The following CCDC3 variants were observed in gnomAD, a reference collection of about 807,000 sequenced individuals.
CCDC3 encodes coiled-coil domain-containing protein 3.
In CCDC3, 24 loss-of-function variants were observed where a neutral mutation model predicts 21.4. The ratio of observed to expected loss-of-function variants is 1.12; its 90% CI spans 0.81 to 1.58. The LOEUF (loss-of-function observed/expected upper bound fraction) is 1.58, where lower values mean the gene tolerates loss of function less well. CCDC3 is among the 40% of genes most tolerant of loss of function. The pLI is 0.00. For synonymous variants in CCDC3, 186 were observed against 166.0 expected (o/e 1.12, Z -0.93); for missense variants, 425 against 360.9 (o/e 1.18, Z -1.44).
chr10:13,013,903 C>T (rs192559872), intron 5 of CCDC3, among the ~76,000 whole-genome samples: 114 of 152,312 alleles, frequency 7.5e-4, no homozygotes, highest in African/African-American at 2.5e-3. Context: ...GTAATCCCAG[C>T]GCTTTGGGAG....
At chr10:12,936,818 T>C (rs1834746196) in intron 2 of CCDC3, among the ~76,000 whole-genome samples, 1 of 152,162 alleles carries the variant, frequency 6.6e-6, no homozygotes, top group Non-Finnish European at 1.5e-5. Flanking sequence ...GAGGCTGAGG[T>C]AGGAGGATGG....
rs572631407 is a variant in CCDC3, at chr10:12,905,637, T to C, written c.550-6958A>G. ...TGGTTCAAGGTCTCCACGATCCTTG[T>C]CAAAGGTCCTATTGACTCCATCTCA... On this transcript the variant is annotated intron_variant, in intron 2 of 2. Transcript: ENST00000378825. Among the ~76,000 whole-genome samples, 30 of 152,326 alleles carry C rather than the reference T, an allele frequency of 2.0e-4. 1 individual carries two copies. The highest frequency in any genetic ancestry group is 7.2e-4 in the African/African-American group (30 of 41,564).
intron 2 of CCDC3, among the ~76,000 whole-genome samples, chr10:12,971,509 G>C (rs1367774915): frequency 2.0e-5 from 3 of 152,034 alleles, no homozygotes; most frequent in Non-Finnish European, 2.9e-5. Flanking sequence ...TGTCCTCCTG[G>C]CATCCTGAAT....
At chr10:12,947,584 T>A (rs1834934705) in intron 2 of CCDC3, among the ~76,000 whole-genome samples, 1 of 152,238 alleles carries the variant, frequency 6.6e-6, no homozygotes, top group African/African-American at 2.4e-5. Context: ...TATGGTGTTT[T>A]ATATTTTCAA....
At chr10:13,023,260 A>G (rs1279646099) in intron 5 of CCDC3, among the ~76,000 whole-genome samples, 1 of 152,216 alleles carries the variant, frequency 6.6e-6, no homozygotes, top group Non-Finnish European at 1.5e-5. Context: ...TTAAAACAAT[A>G]ACAATGTAAC....
chr10:12,927,378 T>TA (rs1834559610), intron 2 of CCDC3, among the ~76,000 whole-genome samples: 1 of 152,204 alleles, frequency 6.6e-6, no homozygotes, highest in Non-Finnish European at 1.5e-5. Context: ...ACACTTAAAA[T>TA]TAACAATTGC....
intron 2 of CCDC3, among the ~76,000 whole-genome samples, chr10:12,985,460 A>G (rs377414938): frequency 5.8e-4 from 89 of 152,246 alleles, no homozygotes; most frequent in African/African-American, 1.9e-3. Context: ...TTATGCCTAC[A>G]CAACACTCTG....
intron 2 of CCDC3, among the ~76,000 whole-genome samples, chr10:12,955,707 C>A (rs1238033980): frequency 6.6e-6 from 1 of 151,912 alleles, no homozygotes; most frequent in East Asian, 1.9e-4. Context: ...TGTGTGCCAC[C>A]ATGCCCAGCT....
At chr10:13,029,180 A>T (rs765768589) in intron 5 of CCDC3, among the ~76,000 whole-genome samples, 10 of 152,164 alleles carry the variant, frequency 6.6e-5, no homozygotes, top group Non-Finnish European at 1.2e-4. Context: ...ATCCCCAGTC[A>T]TAAGGAAAGC....
intron 5 of CCDC3, among the ~76,000 whole-genome samples, chr10:13,046,974 T>G (rs1192945474): frequency 1.3e-5 from 2 of 150,028 alleles, no homozygotes. Flanking sequence ...AAGAAGCCAA[T>G]CCAGCAATTT....
At chr10:12,901,637 A>G (rs549180548) in intron 2 of CCDC3, among the ~76,000 whole-genome samples, 1 of 152,314 alleles carries the variant, frequency 6.6e-6, no homozygotes, top group East Asian at 1.9e-4. Flanking sequence ...TGGGATGATC[A>G]TGGTTGTTGG....
At chr10:12,901,558 T>C (rs566767936) in intron 2 of CCDC3, among the ~76,000 whole-genome samples, 4 of 152,210 alleles carry the variant, frequency 2.6e-5, no homozygotes, top group African/African-American at 9.6e-5. Flanking sequence ...CAGGCGTAAG[T>C]CACTGCACCT....
intron 5 of CCDC3, among the ~76,000 whole-genome samples, chr10:13,039,516 A>G (rs1836421948): frequency 6.6e-6 from 1 of 152,228 alleles, no homozygotes. Context: ...GTTACAAATA[A>G]GCAATAAAGA....
At chr10:12,943,333 G>C (rs1413224155) in intron 2 of CCDC3, among the ~76,000 whole-genome samples, 1 of 152,174 alleles carries the variant, frequency 6.6e-6, no homozygotes, top group African/African-American at 2.4e-5. Context: ...CCGAAGAAAT[G>C]TGAAAAACTA....
intron 3 of CCDC3, among the ~76,000 whole-genome samples, chr10:13,077,337 C>A (rs1392606670): frequency 6.6e-6 from 1 of 152,160 alleles, no homozygotes; most frequent in Non-Finnish European, 1.5e-5. Flanking sequence ...GAACTACAAA[C>A]CACTGCTGAA....
intron 4 of CCDC3, among the ~76,000 whole-genome samples, chr10:13,067,393 T>G (rs1054427334): frequency 3.3e-5 from 5 of 149,670 alleles, no homozygotes; most frequent in Non-Finnish European, 7.4e-5. Flanking sequence ...AGTGAGAGGT[T>G]TTTTTTTTCC....
chr10:13,049,104 A>T (rs1286897105), intron 5 of CCDC3, among the ~76,000 whole-genome samples: 1 of 152,194 alleles, frequency 6.6e-6, no homozygotes, highest in African/African-American at 2.4e-5. Context: ...TCTCTAATCC[A>T]CTGAAGAGAC....
intron 2 of CCDC3, among the ~76,000 whole-genome samples, chr10:12,901,362 C>T (rs1397493686): frequency 4.6e-5 from 7 of 152,200 alleles, no homozygotes; most frequent in Middle Eastern, 3.4e-3. Context: ...CTCCACCTCA[C>T]GGGTTCAAGC....
intron 3 of CCDC3, among the ~76,000 whole-genome samples, chr10:13,093,310 C>T (rs1832598289): frequency 6.6e-6 from 1 of 152,082 alleles, no homozygotes; most frequent in Admixed American, 6.6e-5. Context: ...CTTATAAAAC[C>T]ATCACATCTC....
Sources: gnomAD v4.1 joint callset for allele counts (sites outside exome capture counted in the v4.1 genomes callset) on GRCh38, gnomAD v4.1.1 for gene constraint, MANE v1.5 for transcripts, NCBI Gene and HGNC (gene_info 2026-07-23, HGNC 2026-07-21) for gene names.